UGGT1: variants seen among roughly 807,000 people sequenced by gnomAD.
The protein encoded by UGGT1 is UDP-glucose:glycoprotein glucosyltransferase 1.
Under a neutral mutation model 203.9 loss-of-function variants are expected in UGGT1, and 107 were observed. The ratio of observed to expected loss-of-function variants is 0.52; its 90% CI spans 0.45 to 0.62. UGGT1 has a LOEUF of 0.62. Ranked by LOEUF, UGGT1 falls within the 20% of genes least tolerant of loss-of-function variation. The pLI is 0.00. For synonymous variants in UGGT1, 628 were observed against 653.5 expected (o/e 0.96, Z 0.59); for missense variants, 1,673 against 1,867.2 (o/e 0.90, Z 1.92).
chr2:128,107,079 T>G (rs1687641997), intron 3 of UGGT1, among the ~76,000 whole-genome samples: 1 of 152,224 alleles, frequency 6.6e-6, no homozygotes, highest in Non-Finnish European at 1.5e-5. Flanking sequence ...TGTTTCTTCC[T>G]TGACCCTGTT....
intron 38 of UGGT1, among the ~76,000 whole-genome samples, 190 bp from the exon 39 acceptor site, chr2:128,186,493 G>A (rs1446399560): frequency 6.6e-6 from 1 of 152,094 alleles, no homozygotes; most frequent in African/African-American, 2.4e-5. Flanking sequence ...TGTAGTCCCA[G>A]CTACTCAGGA....
At chr2:128,167,532 A>T (rs1690856047) in intron 26 of UGGT1, among the ~76,000 whole-genome samples, 1 of 152,190 alleles carries the variant, frequency 6.6e-6, no homozygotes, top group Non-Finnish European at 1.5e-5. Flanking sequence ...GACCCACCCC[A>T]GTCCTGAGGA....
At chr2:128,187,409 TTCTTCA>T in intron 39 of UGGT1, 34 bp from the exon 40 acceptor site, 1 of 1,592,666 alleles carries the variant, frequency 6.3e-7, no homozygotes, top group Non-Finnish European at 8.6e-7. Flanking sequence ...CATGTGGCCT[TTCTTCA>T]ACTCAGCTGA....
At position 128,143,237 on chromosome 2, in the gene UGGT1, C is replaced by A; in HGVS notation, c.1851+12C>A. 2 of 1,612,066 alleles carry A rather than the reference C, an allele frequency of 1.2e-6. No homozygotes were observed. Among genetic ancestry groups the A allele is most frequent in the Non-Finnish European group, 1.7e-6 (2 of 1,179,118 alleles). ...ATCGGAATCGGAAGGTAAAAAATTTCTTTGTGTTTCTTATTTGATTGCAAC... is the reference window on the plus strand; with the variant it reads ...ATCGGAATCGGAAGGTAAAAAATTTATTTGTGTTTCTTATTTGATTGCAAC... On this transcript the variant is annotated intron_variant, in intron 17 of 40. Coordinates refer to ENST00000259253, the MANE Select transcript of UGGT1 (RefSeq NM_020120.4).
At chr2:128,126,722 G>C (rs557469260) in intron 11 of UGGT1, among the ~76,000 whole-genome samples, 1 of 95,894 alleles carries the variant, frequency 1.0e-5, no homozygotes, top group Non-Finnish European at 2.1e-5. Context: ...TTGCTCTGTC[G>C]TTCAAGCTGG....
intron 9 of UGGT1, 21 bp from the exon 10 acceptor site, chr2:128,121,178 T>C: frequency 6.2e-7 from 1 of 1,610,918 alleles, no homozygotes; most frequent in Middle Eastern, 1.7e-4. Context: ...CCACTTTTAA[T>C]TATATTTGAC....
At chr2:128,155,048 T>C (rs530461990) in intron 19 of UGGT1, among the ~76,000 whole-genome samples, 1 of 152,318 alleles carries the variant, frequency 6.6e-6, no homozygotes, top group South Asian at 2.1e-4. Context: ...AAAGGTGATA[T>C]TTTGTTAGAC....
intron 18 of UGGT1, among the ~76,000 whole-genome samples, chr2:128,150,346 G>A (rs995350094): frequency 3.9e-5 from 6 of 152,172 alleles, no homozygotes; most frequent in African/African-American, 1.2e-4. Flanking sequence ...TAAGGCAGGA[G>A]GGTTGCTTGA....
At position 128,181,041 on chromosome 2, in the gene UGGT1, T is replaced by C; in HGVS notation, c.4052T>C (p.Val1351Ala). ...LFLDVLFPLV[V>A]DKFLFVDADQ... Reference sequence around the variant, plus strand: ...CTGGATGTACTTTTCCCACTAGTTGTTGACAAGTTCCTGTTTGTGGATGCT... The same window carrying C: ...CTGGATGTACTTTTCCCACTAGTTGCTGACAAGTTCCTGTTTGTGGATGCT... The change falls in exon 36 of 41, where the codon GTT (valine) becomes GCT (alanine). Residue 1351 changes from valine (V) to alanine (A), a missense_variant. Transcript: ENST00000259253. 1 of 1,614,202 alleles carries C rather than the reference T, an allele frequency of 6.2e-7. No individual in the cohort carries two copies. The highest frequency in any genetic ancestry group is 8.5e-7 in the Non-Finnish European group (1 of 1,180,020).
chr2:128,157,341 C>T lies in UGGT1; in HGVS notation c.2350C>T (p.His784Tyr), dbSNP rs1401582340. The T allele has an allele frequency of 1.2e-6, 2 of 1,613,544 alleles. No homozygotes were observed. Among genetic ancestry groups the T allele is most frequent in the Non-Finnish European group, 8.5e-7 (1 of 1,179,526 alleles). Residue 784 changes from histidine (H) to tyrosine (Y), a missense_variant, in exon 22 of 41, where the codon CAT becomes TAT. Coordinates refer to ENST00000259253, the MANE Select transcript of UGGT1 (RefSeq NM_020120.4). The stretch of plus-strand genomic sequence containing the variant: ...GCAGTTACTGTATGATGCCATCAAA[C>T]ATCAGGCAAGTATCTATGACTTCAT... ...GRQLLYDAIK[H>Y]QKSSNNVRIS...
intron 1 of UGGT1, 22 bp from the exon 2 acceptor site, chr2:128,097,407 T>A: frequency 6.3e-7 from 1 of 1,583,736 alleles, no homozygotes; most frequent in East Asian, 2.2e-5. Flanking sequence ...TAGCAAAACT[T>A]CTTTTCTTTT....
In UGGT1 at chr2:128,125,964, A is replaced by T. The variant is rs374847911; in HGVS notation, c.1135-1397A>T. 7.3e-5 allele frequency among the ~76,000 whole-genome samples: 10 copies of T among 136,174 alleles called. No homozygotes were observed. The East Asian group carries it at 1.5e-3, about 20-fold the overall frequency. 89.3% of individuals were successfully genotyped at this position (136,174 alleles called of 152,430 possible). ...ATACTTTTTTTTTTTTTTTTTTGAGATAGAGTCTTGCTGTGTCGCCCAGGC... is the reference window on the plus strand; with the variant it reads ...ATACTTTTTTTTTTTTTTTTTTGAGTTAGAGTCTTGCTGTGTCGCCCAGGC... On this transcript the variant is annotated intron_variant, in intron 11 of 40. Coordinates refer to ENST00000259253, the MANE Select transcript of UGGT1 (RefSeq NM_020120.4).
chr2:128,145,609 C>A, intron 17 of UGGT1, 194 bp from the exon 18 acceptor site: 2 of 554,820 alleles, frequency 3.6e-6, no homozygotes, highest in Non-Finnish European at 2.9e-6. Flanking sequence ...GTAATTCAAT[C>A]TCAGATTTAC....
rs1689286349 is a variant in UGGT1, at chr2:128,139,144, T to C, written c.1719+292T>C. On this transcript the variant is annotated intron_variant, in intron 16 of 40. Transcript: ENST00000259253. ...TAGGTTCAAAAGAAGTCACTCAGAA[T>C]AGTAAGTATTTTATACTTTGTTATT... Among the ~76,000 whole-genome samples the C allele has an allele frequency of 2.0e-5, 3 of 152,246 alleles. No individual in the cohort carries two copies. The South Asian group carries it at 6.2e-4, about 31-fold the overall frequency.
At chr2:128,102,512 A>G (rs978513606) in intron 2 of UGGT1, among the ~76,000 whole-genome samples, 21 of 152,172 alleles carry the variant, frequency 1.4e-4, no homozygotes, top group African/African-American at 4.8e-4. Context: ...AAAAGCAACA[A>G]AAATATGCTG....
chr2:128,155,736 TATTTA>T, intron 20 of UGGT1, 149 bp downstream of exon 20: 1 of 517,528 alleles, frequency 1.9e-6, no homozygotes, highest in Non-Finnish European at 3.3e-6. Context: ...AGAACATATC[TATTTA>T]AAGTTTAATT....
chr2:128,152,932 T>C lies in UGGT1; in HGVS notation c.2137+28T>C, dbSNP rs768597971. 145 of 1,607,426 alleles carry C rather than the reference T, an allele frequency of 9.0e-5. 4 individuals are homozygous for C. The South Asian group carries it at 1.6e-3, about 17-fold the overall frequency. ...AAGGAGCATTTCAGGAACAACCTTA[T>C]GCTTTTTTTGACTTGTGCTTCAGAA... is the stretch of plus-strand genomic sequence containing the variant. On this transcript the variant is annotated intron_variant, in intron 19 of 40. Transcript: ENST00000259253.
At chr2:128,180,709 G>A (rs1202575743) in intron 35 of UGGT1, among the ~76,000 whole-genome samples, 181 bp from the exon 36 acceptor site, 2 of 152,228 alleles carry the variant, frequency 1.3e-5, no homozygotes, top group African/African-American at 4.8e-5. Flanking sequence ...ATGGGGATTT[G>A]ACAAAGGTTT....
intron 14 of UGGT1, 134 bp downstream of exon 14, chr2:128,133,394 C>G: frequency 2.5e-6 from 3 of 1,217,132 alleles, no homozygotes; most frequent in South Asian, 1.4e-5. Flanking sequence ...ATACTCTTCC[C>G]TGTTCACACT....
Sources: gnomAD v4.1 joint callset for allele counts (sites outside exome capture counted in the v4.1 genomes callset) on GRCh38, gnomAD v4.1.1 for gene constraint, MANE v1.5 for transcripts, NCBI Gene and HGNC (gene_info 2026-07-23, HGNC 2026-07-21) for gene names.